Variants in TCF7L1 observed in about 807,000 individuals in gnomAD.
TCF7L1 encodes the protein transcription factor 7 like 1.
In TCF7L1, 18 loss-of-function variants were observed where a neutral mutation model predicts 63.7. The observed-to-expected ratio is 0.28, with a 90% CI of 0.20 to 0.42. TCF7L1 has a LOEUF of 0.42. Among genes scored for constraint, TCF7L1 ranks in the 10% least tolerant of loss-of-function variants. The pLI is 1.00. For missense variants in TCF7L1, 654 were observed against 779.3 expected (o/e 0.84, Z 1.91); for synonymous variants, 355 against 340.9 (o/e 1.04, Z -0.46).
chr2:85,188,777 G>T (rs1199417172), intron 3 of TCF7L1, among the ~76,000 whole-genome samples: 1 of 152,062 alleles, frequency 6.6e-6, no homozygotes, highest in Non-Finnish European at 1.5e-5. Flanking sequence ...CTGGTATCTT[G>T]GTCCACTCAC....
chr2:85,217,968 A>G (rs1330538878), intron 3 of TCF7L1, among the ~76,000 whole-genome samples: 3 of 152,182 alleles, frequency 2.0e-5, no homozygotes, highest in Admixed American at 6.6e-5. Flanking sequence ...TTTTATCAAA[A>G]TAATTTTTTT....
intron 3 of TCF7L1, among the ~76,000 whole-genome samples, chr2:85,179,923 C>T (rs1678761751): frequency 6.6e-6 from 1 of 152,106 alleles, no homozygotes; most frequent in African/African-American, 2.4e-5. Flanking sequence ...GTTCTTTGAA[C>T]ACTTTTCTCT....
At chr2:85,215,641 A>G (rs1679683223) in intron 3 of TCF7L1, among the ~76,000 whole-genome samples, 1 of 152,084 alleles carries the variant, frequency 6.6e-6, no homozygotes, top group Non-Finnish European at 1.5e-5. Context: ...TGTGATTTAT[A>G]GATTGCTCCT....
chr2:85,201,716 A>G (rs568645813), intron 3 of TCF7L1, among the ~76,000 whole-genome samples: 1 of 152,158 alleles, frequency 6.6e-6, no homozygotes, highest in South Asian at 2.1e-4. Flanking sequence ...TTACATTGCC[A>G]TCAGCAGTGT....
intron 3 of TCF7L1, among the ~76,000 whole-genome samples, chr2:85,152,105 G>A (rs1444153529): frequency 6.6e-6 from 1 of 152,218 alleles, no homozygotes; most frequent in Non-Finnish European, 1.5e-5. Context: ...GCTGGCTTCT[G>A]AGTCCTTGTG....
At chr2:85,261,173 G>GT in intron 3 of TCF7L1, among the ~76,000 whole-genome samples, 1 of 123,538 alleles carries the variant, frequency 8.1e-6, no homozygotes, top group Admixed American at 8.2e-5. Flanking sequence ...TGTGTGTGTG[G>GT]TATTTCATAG....
At chr2:85,165,443 T>C (rs1402269926) in intron 3 of TCF7L1, among the ~76,000 whole-genome samples, 1 of 152,200 alleles carries the variant, frequency 6.6e-6, no homozygotes, top group Non-Finnish European at 1.5e-5. Flanking sequence ...CCAGTCAGTC[T>C]CAAGTGAGTG....
Position 85,188,115 on chromosome 2 carries a change from C to T in TCF7L1, c.441+53665C>T, listed in dbSNP as rs72840124. On this transcript the variant is annotated intron_variant, in intron 3 of 11. Coordinates refer to ENST00000282111, the MANE Select transcript of TCF7L1 (RefSeq NM_031283.3). ...CGAGGGGGAACAGATGAGTGGTTGC[C>T]AGGTGCTAGGGATGAGGGGAATAAG... 8.0e-3 allele frequency among the ~76,000 whole-genome samples: 1,215 copies of T among 152,168 alleles called. 12 individuals carry two copies. The highest frequency in any genetic ancestry group is 0.02 in the Middle Eastern group (6 of 294).
At chr2:85,221,080 TCAG>T (rs1202624572) in intron 3 of TCF7L1, among the ~76,000 whole-genome samples, 1 of 152,200 alleles carries the variant, frequency 6.6e-6, no homozygotes, top group Non-Finnish European at 1.5e-5. Context: ...TCGGAAGGAC[TCAG>T]CAGCCAAACT....
At chr2:85,292,510 A>G (rs1681751694) in intron 4 of TCF7L1, among the ~76,000 whole-genome samples, 1 of 152,224 alleles carries the variant, frequency 6.6e-6, no homozygotes, top group African/African-American at 2.4e-5. Context: ...GTGTGGTATC[A>G]TTCTTTATAC....
In TCF7L1 at chr2:85,306,609, T is replaced by G; in HGVS notation, c.1257+50T>G. 2.0e-6 allele frequency: 3 copies of G among 1,466,710 alleles called. No individual in the cohort carries two copies. The highest frequency in any genetic ancestry group is 2.8e-6 in the Non-Finnish European group (3 of 1,052,744). 90.9% of individuals were successfully genotyped at this position (1,466,710 alleles called of 1,614,324 possible). The stretch of plus-strand genomic sequence containing the variant: ...ACGCTCAGACCCCAGGAACAGCCTC[T>G]GCAAGAGGAGGAAGGGTGAAGGAAA... On this transcript the variant is annotated intron_variant, in intron 10 of 11. Coordinates refer to ENST00000282111, the MANE Select transcript of TCF7L1 (RefSeq NM_031283.3). This position sits in a 1 kb window ranked among gnomAD's most constrained non-coding sequence, Gnocchi z 4.3.
chr2:85,137,485 A>G (rs992247122), intron 3 of TCF7L1, among the ~76,000 whole-genome samples: 6 of 152,254 alleles, frequency 3.9e-5, no homozygotes, highest in African/African-American at 1.4e-4. Context: ...GAAGAGAGGA[A>G]TAACTGCCAC....
chr2:85,280,236 G>A (rs1417959438), intron 3 of TCF7L1, among the ~76,000 whole-genome samples: 1 of 152,100 alleles, frequency 6.6e-6, no homozygotes, highest in Non-Finnish European at 1.5e-5. Context: ...ATATGGGAGT[G>A]CATCGGCATT....
intron 3 of TCF7L1, among the ~76,000 whole-genome samples, chr2:85,189,512 G>A (rs1678999557): frequency 6.6e-6 from 1 of 152,246 alleles, no homozygotes; most frequent in Non-Finnish European, 1.5e-5. Context: ...GCCCTCTAAG[G>A]CTTCTCCATG....
intron 3 of TCF7L1, among the ~76,000 whole-genome samples, chr2:85,223,905 A>T (rs956927983): frequency 2.0e-5 from 3 of 152,138 alleles, no homozygotes; most frequent in Non-Finnish European, 2.9e-5. Context: ...TGTCATTTAC[A>T]TTAGGTATTT....
chr2:85,304,453 C>G lies in TCF7L1; in HGVS notation c.845+115C>G, dbSNP rs1436473992. The G allele has an allele frequency of 3.1e-5, 33 of 1,073,094 alleles. 1 individual carries two copies. Among genetic ancestry groups the G allele is most frequent in the South Asian group, 3.0e-4 (20 of 66,384 alleles). 66.5% of individuals were successfully genotyped at this position (1,073,094 alleles called of 1,614,324 possible). ...AGCAGGCACAGGGCTCACCCTCCCCCCACCTCTCTTTGATCAAGCATCTTC... is the reference window on the plus strand; with the variant it reads ...AGCAGGCACAGGGCTCACCCTCCCCGCACCTCTCTTTGATCAAGCATCTTC... On this transcript the variant is annotated intron_variant, in intron 7 of 11. Transcript: ENST00000282111.
In TCF7L1 at chr2:85,309,231, G is replaced by T. The variant is rs776519835; in HGVS notation, c.1536G>T (p.Arg512=). The stretch of plus-strand genomic sequence containing the variant: ...CCCTCACCACCAAACCAGAAACCCG[G>T]GCCCAGCTGGCTCTCCACTCTGCCG... ...PLSLTTKPET[R]AQLALHSAAF... Residue 512 remains arginine, a synonymous_variant, in exon 12 of 12, where the codon CGG becomes CGT. Coordinates refer to ENST00000282111, the MANE Select transcript of TCF7L1 (RefSeq NM_031283.3). 1 of 1,613,964 alleles carries T rather than the reference G, an allele frequency of 6.2e-7. No individual in the cohort carries two copies. The highest frequency in any genetic ancestry group is 8.5e-7 in the Non-Finnish European group (1 of 1,179,994).
intron 4 of TCF7L1, among the ~76,000 whole-genome samples, chr2:85,298,206 A>AAAAAAAAAAAAAAC (rs1558660087): frequency 6.8e-6 from 1 of 147,252 alleles, no homozygotes; most frequent in East Asian, 2.0e-4. Context: ...AAAAAAAAAA[A>AAAAAAAAAAAAAAC]GTGCAGGCCG....
intron 3 of TCF7L1, among the ~76,000 whole-genome samples, chr2:85,232,351 A>G (rs536047739): frequency 6.6e-6 from 1 of 152,206 alleles, no homozygotes; most frequent in African/African-American, 2.4e-5. Context: ...CTTTTTAATC[A>G]TATTTCCTCC....
Sources: allele counts gnomAD v4.1 joint callset (sites outside exome capture counted in the v4.1 genomes callset), GRCh38; gene constraint gnomAD v4.1.1; non-coding constraint Gnocchi (gnomAD v3.1); transcripts MANE v1.5; gene names NCBI Gene and HGNC (gene_info 2026-07-23, HGNC 2026-07-21).